STXBP5L: variants seen among roughly 807,000 people sequenced by gnomAD.
The protein encoded by STXBP5L is syntaxin binding protein 5L.
In STXBP5L, 65 loss-of-function variants were observed where a neutral mutation model predicts 144.5. The ratio of observed to expected loss-of-function variants is 0.45; its 90% CI spans 0.37 to 0.55. The LOEUF (loss-of-function observed/expected upper bound fraction) is 0.55. Among genes scored for constraint, STXBP5L ranks in the 20% least tolerant of loss-of-function variants. The pLI is 0.00. For synonymous variants in STXBP5L, 505 were observed against 469.6 expected, an observed-to-expected ratio of 1.08 and a Z score of -0.97; for missense variants, 1,298 against 1,405.5, an observed-to-expected ratio of 0.92 and a Z score of 1.22.
intron 5 of STXBP5L, among the ~76,000 whole-genome samples, chr3:121,082,988 A>G (rs1282547513): frequency 2.0e-5 from 3 of 151,978 alleles, no homozygotes; most frequent in Non-Finnish European, 4.4e-5. Context: ...TACGAGGTCA[A>G]GAGATCAAGA....
At chr3:121,218,152 T>C (rs900637697) in intron 10 of STXBP5L, among the ~76,000 whole-genome samples, 3 of 140,328 alleles carry the variant, frequency 2.1e-5, no homozygotes, top group African/African-American at 7.9e-5. Context: ...TAATGTAATA[T>C]ATAGTAATAA....
Position 120,909,456 on chromosome 3 carries a change from A to G in STXBP5L, c.-8-115A>G, listed in dbSNP as rs574836132. 1.3e-4 allele frequency: 117 copies of G among 904,168 alleles called. No individual in the cohort carries two copies. The African/African-American group carries it at 1.7e-3, about 13-fold the overall frequency. 56.0% of individuals were successfully genotyped at this position (904,168 alleles called of 1,614,324 possible). A position where few individuals can be genotyped will look rare whatever the true frequency, so the allele number is the denominator to read the frequency against. On this transcript the variant is annotated intron_variant, in intron 1 of 26. Coordinates refer to ENST00000471454, the MANE Select transcript of STXBP5L (RefSeq NM_001308330.2). ...CTTTTTTTCCAGTCGGTCGTAACCA[A>G]TGCTCATAAAATGGGGACTGACTTG...
At chr3:121,394,704 A>T (rs2046683808) in intron 22 of STXBP5L, among the ~76,000 whole-genome samples, 1 of 144,834 alleles carries the variant, frequency 6.9e-6, no homozygotes, top group Non-Finnish European at 1.5e-5. Context: ...TCCTGGGTTC[A>T]GGCCATTCTC....
intron 7 of STXBP5L, among the ~76,000 whole-genome samples, chr3:121,147,072 G>T (rs1215973478): frequency 1.3e-5 from 2 of 152,070 alleles, no homozygotes; most frequent in African/African-American, 4.8e-5. Context: ...AATTAGTGTG[G>T]ATAAAGAAAA....
In STXBP5L at chr3:120,996,948, C is replaced by T. The variant is rs114404041; in HGVS notation, c.287+41911C>T. 5.9e-3 allele frequency among the ~76,000 whole-genome samples: 905 copies of T among 152,234 alleles called. 8 individuals carry two copies. The highest frequency in any genetic ancestry group is 0.02 in the African/African-American group (833 of 41,552). On this transcript the variant is annotated intron_variant, in intron 3 of 26. Coordinates refer to ENST00000471454, the MANE Select transcript of STXBP5L (RefSeq NM_001308330.2). ...TCAATAGTTTTTCAATCCTTATCCTCCTTTCACTGACCACCCTGAAGTAGG... is the reference window on the plus strand; with the variant it reads ...TCAATAGTTTTTCAATCCTTATCCTTCTTTCACTGACCACCCTGAAGTAGG...
intron 3 of STXBP5L, among the ~76,000 whole-genome samples, chr3:120,974,201 C>T (rs1186601359): frequency 6.6e-6 from 1 of 152,094 alleles, no homozygotes; most frequent in Non-Finnish European, 1.5e-5. Context: ...TCTCTAGCAC[C>T]TGTTGTTTCC....
At chr3:121,054,332 G>A (rs1486653004) in intron 5 of STXBP5L, among the ~76,000 whole-genome samples, 1 of 152,028 alleles carries the variant, frequency 6.6e-6, no homozygotes, top group Non-Finnish European at 1.5e-5. Context: ...CAAAGACTTG[G>A]AACCAACCCA....
intron 5 of STXBP5L, among the ~76,000 whole-genome samples, chr3:121,062,819 C>G (rs2041350109): frequency 6.6e-6 from 1 of 152,126 alleles, no homozygotes. Flanking sequence ...CTTGTATATG[C>G]TTCACAAAGT....
intron 5 of STXBP5L, among the ~76,000 whole-genome samples, chr3:121,114,280 G>A (rs1234666227): frequency 6.6e-6 from 1 of 152,074 alleles, no homozygotes; most frequent in East Asian, 1.9e-4. Context: ...AAAATGAAGG[G>A]AAAAATACAG....
At chr3:121,290,460 G>A (rs2051393125) in intron 19 of STXBP5L, among the ~76,000 whole-genome samples, 1 of 152,078 alleles carries the variant, frequency 6.6e-6, no homozygotes, top group Non-Finnish European at 1.5e-5. Context: ...ATTCACAGCT[G>A]AATTCTATCA....
intron 9 of STXBP5L, among the ~76,000 whole-genome samples, chr3:121,205,552 A>T (rs1157785147): frequency 6.6e-6 from 1 of 152,226 alleles, no homozygotes; most frequent in Admixed American, 6.5e-5. Context: ...AGCAATAGTA[A>T]TACATTTCAT....
chr3:120,909,336 G>A lies in STXBP5L; in HGVS notation c.-8-235G>A, dbSNP rs73858208. On this transcript the variant is annotated intron_variant, in intron 1 of 26. Coordinates refer to ENST00000471454, the MANE Select transcript of STXBP5L (RefSeq NM_001308330.2). ...TCCTTGAAAATCTGATGTGTGAGGA[G>A]GGAATACTGTTGCTTTTGGAGTTGT... is the stretch of plus-strand genomic sequence containing the variant. 1,371 of 413,812 alleles carry A rather than the reference G, an allele frequency of 3.3e-3. 15 individuals carry two copies. Among genetic ancestry groups the A allele is most frequent in the African/African-American group, 0.027 (1,294 of 47,094 alleles). 25.6% of individuals were successfully genotyped at this position (413,812 alleles called of 1,614,324 possible). A position where few individuals can be genotyped will look rare whatever the true frequency, so the allele number is the denominator to read the frequency against.
chr3:121,362,645 G>A (rs2045745547), intron 20 of STXBP5L, among the ~76,000 whole-genome samples: 1 of 152,072 alleles, frequency 6.6e-6, no homozygotes, highest in Non-Finnish European at 1.5e-5. Flanking sequence ...TTACCCTCTG[G>A]CCCAGGACAG....
intron 19 of STXBP5L, among the ~76,000 whole-genome samples, chr3:121,300,900 A>T (rs2051870989): frequency 6.6e-6 from 1 of 152,216 alleles, no homozygotes; most frequent in Non-Finnish European, 1.5e-5. Flanking sequence ...TATGCTATTT[A>T]TAAAAGATGC....
At chr3:121,041,836 T>A in intron 4 of STXBP5L, 55 bp downstream of exon 4, 3 of 1,134,120 alleles carry the variant, frequency 2.6e-6, no homozygotes, top group Non-Finnish European at 4.0e-6. Flanking sequence ...ACACAGTGAA[T>A]CAGTTAATGT....
rs553215203 is a variant in STXBP5L, at chr3:121,102,137, C to T, written c.471-12788C>T. Among the ~76,000 whole-genome samples the T allele has an allele frequency of 2.0e-5, 3 of 152,098 alleles. No individual in the cohort carries two copies. The East Asian group carries it at 5.8e-4, about 29-fold the overall frequency. ...ATATTGTTAAAATGGCCATACTTCC[C>T]AAAGCAATGTAAAGATTCAATGCTA... On this transcript the variant is annotated intron_variant, in intron 5 of 26. Transcript: ENST00000471454.
At chr3:121,052,914 C>A (rs536825012) in intron 5 of STXBP5L, among the ~76,000 whole-genome samples, 33 of 152,270 alleles carry the variant, frequency 2.2e-4, no homozygotes, top group African/African-American at 7.9e-4. Flanking sequence ...GATGCAAAAT[C>A]AATGTACAAA....
chr3:121,278,351 T>G (rs1013237761), intron 18 of STXBP5L, among the ~76,000 whole-genome samples: 5 of 151,988 alleles, frequency 3.3e-5, no homozygotes, highest in Admixed American at 1.3e-4. Context: ...TTCTGACAAC[T>G]ACTGCCTGAC....
intron 20 of STXBP5L, among the ~76,000 whole-genome samples, chr3:121,378,162 C>A (rs1183759091): frequency 6.6e-6 from 1 of 151,456 alleles, no homozygotes; most frequent in Non-Finnish European, 1.5e-5. Context: ...CACACCGAGG[C>A]CTGTCGGGGG....
Sources: gnomAD v4.1 joint callset for allele counts (sites outside exome capture counted in the v4.1 genomes callset) on GRCh38, gnomAD v4.1.1 for gene constraint, MANE v1.5 for transcripts, NCBI Gene and HGNC (gene_info 2026-07-23, HGNC 2026-07-21) for gene names.